Variants in KALRN observed in about 807,000 individuals in gnomAD.
KALRN encodes the protein kalirin.
A neutral mutation model predicts 353.7 loss-of-function variants in KALRN; 70 were observed. The observed-to-expected ratio is 0.20, with a 90% confidence interval of 0.16 to 0.24. The LOEUF is 0.24. Ranked by LOEUF, KALRN falls within the 10% of genes least tolerant of loss-of-function variation. The pLI is 1.00. For synonymous variants in KALRN, 1,391 were observed against 1,434.8 expected (o/e 0.97, Z 0.69); for missense variants, 2,791 against 3,756.7 (o/e 0.74, Z 6.72).
At position 124,585,750 on chromosome 3, in the gene KALRN, TG is replaced by T. The variant is rs2075112490; in HGVS notation, c.5182+22664del. 1.3e-5 allele frequency among the ~76,000 whole-genome samples: 2 copies of T among 152,212 alleles called. 1 individual carries two copies. The highest frequency in any genetic ancestry group is 4.1e-4 in the South Asian group (2 of 4,824). The stretch of plus-strand genomic sequence containing the variant: ...ATAGCGGGGGAAGACTGTTTTTGTG[TG>T]GGTAGAAATGAGAATGTAGCCCCCT... On this transcript the variant is annotated intron_variant, in intron 34 of 59. Transcript: ENST00000682506.
chr3:124,656,235 A>G (rs1055837469), intron 39 of KALRN, among the ~76,000 whole-genome samples: 7 of 147,204 alleles, frequency 4.8e-5, no homozygotes, highest in African/African-American at 1.8e-4. Context: ...ACTTGGATGA[A>G]AAAAAAAAAG....
At chr3:124,181,773 T>C (rs1284261824) in intron 1 of KALRN, among the ~76,000 whole-genome samples, 1 of 152,140 alleles carries the variant, frequency 6.6e-6, no homozygotes, top group Non-Finnish European at 1.5e-5. Context: ...CAACACTGTT[T>C]GTAGTGGAAA....
chr3:124,415,313 G>C (rs2092435195), intron 14 of KALRN, among the ~76,000 whole-genome samples: 1 of 152,246 alleles, frequency 6.6e-6, no homozygotes, highest in Admixed American at 6.5e-5. Context: ...TGATTCAACT[G>C]TGTGGCCAGG....
intron 1 of KALRN, among the ~76,000 whole-genome samples, chr3:124,176,505 C>T (rs2072780544): frequency 6.6e-6 from 1 of 152,084 alleles, no homozygotes; most frequent in East Asian, 1.9e-4. Context: ...GAACCAAATA[C>T]TGTGAAGAGG....
chr3:124,293,761 A>G (rs1376448838), intron 5 of KALRN, among the ~76,000 whole-genome samples: 3 of 152,016 alleles, frequency 2.0e-5, no homozygotes, highest in Non-Finnish European at 2.9e-5. Context: ...TTTTTTTGTT[A>G]TATTACACTT....
At chr3:124,593,378 C>A (rs1317939734) in intron 34 of KALRN, among the ~76,000 whole-genome samples, 1 of 152,134 alleles carries the variant, frequency 6.6e-6, no homozygotes, top group African/African-American at 2.4e-5. Flanking sequence ...TTCCCAGGCA[C>A]CATTGACCAC....
chr3:124,538,918 G>C lies in KALRN; in HGVS notation c.4936-23925G>C, dbSNP rs190615071. Among the ~76,000 whole-genome samples the C allele has an allele frequency of 1.8e-3, 268 of 152,340 alleles. 1 individual carries two copies. Among genetic ancestry groups the C allele is most frequent in the Admixed American group, 3.3e-3 (51 of 15,306 alleles). On this transcript the variant is annotated intron_variant, in intron 33 of 59. Transcript: ENST00000682506. ...CGGAGAGAGTCAGTGGCTTGCCCAAGATCACTGTCCACATAGGGGCAGAAC... is the reference window on the plus strand; with the variant it reads ...CGGAGAGAGTCAGTGGCTTGCCCAACATCACTGTCCACATAGGGGCAGAAC...
At chr3:124,437,278 G>A (rs2093502988) in intron 17 of KALRN, among the ~76,000 whole-genome samples, 1 of 152,258 alleles carries the variant, frequency 6.6e-6, no homozygotes. Flanking sequence ...CTCAAGTTTG[G>A]TGACAGATCT....
Position 124,719,459 on chromosome 3 carries a change from C to A in KALRN, c.8950C>A (p.Gln2984Lys). Residue 2984 changes from glutamine to lysine, a missense_variant, in exon 60 of 60, where the codon CAA (glutamine) becomes AAA (lysine). By Grantham distance (53) the Gln-to-Lys change is moderately conservative. Transcript: ENST00000682506. This position sits in a 1 kb window ranked among gnomAD's most constrained non-coding sequence, Gnocchi z 5.3. ...VKSYIVNRVN[Q>K]GT ...GAGCTACATTGTCAACCGGGTGAAC[C>A]AAGGGACGTAGCCATCTCCCAGCCC... The A allele has an allele frequency of 6.2e-7, 1 of 1,612,490 alleles. No homozygotes were observed. The highest frequency in any genetic ancestry group is 1.1e-5 in the South Asian group (1 of 90,952).
chr3:124,608,244 T>C (rs964305258), intron 34 of KALRN, among the ~76,000 whole-genome samples: 1 of 152,044 alleles, frequency 6.6e-6, no homozygotes. Flanking sequence ...TGGGCCCAAG[T>C]GATCTGCCCA....
intron 1 of KALRN, among the ~76,000 whole-genome samples, chr3:124,223,752 T>TG (rs1419355135): frequency 6.6e-6 from 1 of 152,112 alleles, no homozygotes; most frequent in Non-Finnish European, 1.5e-5. Flanking sequence ...CAGACAGGGC[T>TG]GGGGGGCTCA....
intron 13 of KALRN, among the ~76,000 whole-genome samples, chr3:124,403,013 G>T (rs2091063071): frequency 6.6e-6 from 1 of 152,190 alleles, no homozygotes; most frequent in African/African-American, 2.4e-5. Flanking sequence ...GTTAAAACTA[G>T]ATAGTAGATA....
At chr3:124,620,842 C>T (rs1016804442) in intron 34 of KALRN, among the ~76,000 whole-genome samples, 3 of 152,150 alleles carry the variant, frequency 2.0e-5, no homozygotes, top group Non-Finnish European at 2.9e-5. Flanking sequence ...CAGGAGAACC[C>T]GAGGTCGAGG....
At chr3:124,328,725 G>A (rs868165459) in intron 7 of KALRN, among the ~76,000 whole-genome samples, 5 of 152,332 alleles carry the variant, frequency 3.3e-5, no homozygotes, top group East Asian at 1.9e-4. Flanking sequence ...AAACTAGAAC[G>A]CAAACGGTTG....
At chr3:124,582,018 ATTTT>A (rs71625758) in intron 34 of KALRN, among the ~76,000 whole-genome samples, 2,011 of 136,108 alleles carry the variant, frequency 0.015, 44 homozygotes, top group African/African-American at 0.052. Flanking sequence ...AACATGAGCT[ATTTT>A]TTTTTTTTTT....
intron 5 of KALRN, among the ~76,000 whole-genome samples, chr3:124,275,993 T>A (rs940332227): frequency 6.6e-6 from 1 of 152,198 alleles, no homozygotes; most frequent in African/African-American, 2.4e-5. Flanking sequence ...AAGTGATTCT[T>A]CCTGGTGTCC....
intron 11 of KALRN, among the ~76,000 whole-genome samples, chr3:124,393,691 T>G (rs1313331611): frequency 6.6e-6 from 1 of 152,216 alleles, no homozygotes; most frequent in East Asian, 1.9e-4. Context: ...GTCCTCACAG[T>G]CTTTGAAGTG....
chr3:124,119,550 C>T (rs1339618894), intron 1 of KALRN, among the ~76,000 whole-genome samples: 1 of 152,136 alleles, frequency 6.6e-6, no homozygotes, highest in African/African-American at 2.4e-5. Flanking sequence ...TGCTGGCTTC[C>T]AAGAGCAGCT....
rs1056973368 is a variant in KALRN, at chr3:124,724,365, C to G, written c.*4895C>G. On this transcript the variant is annotated 3_prime_UTR_variant, in exon 60 of 60. Coordinates refer to ENST00000682506, the MANE Select transcript of KALRN (RefSeq NM_001388419.1). ...GTTTCGAGGAATGTAGACCTTCTTC[C>G]TTTCTCTCCTGGGTCGCACCTCTGT... 3.3e-5 allele frequency: 5 copies of G among 152,120 alleles called. No homozygotes were observed. Among genetic ancestry groups the G allele is most frequent in the African/African-American group, 1.2e-4 (5 of 41,446 alleles). 9.4% of individuals were successfully genotyped at this position (152,120 alleles called of 1,614,324 possible). A position where few individuals can be genotyped will look rare whatever the true frequency, so the allele number is the denominator to read the frequency against.
Sources: gnomAD v4.1 joint callset for allele counts (sites outside exome capture counted in the v4.1 genomes callset) on GRCh38, gnomAD v4.1.1 for gene constraint, Gnocchi (gnomAD v3.1) non-coding constraint, MANE v1.5 for transcripts, NCBI Gene and HGNC (gene_info 2026-07-23, HGNC 2026-07-21) for gene names.